Variants in TMEM266 observed in about 807,000 individuals in gnomAD.
TMEM266 encodes the protein transmembrane protein 266.
TMEM266 carries 33 observed loss-of-function variants against 50.5 expected under a neutral mutation model. The ratio of observed to expected loss-of-function variants is 0.65; its 90% CI spans 0.50 to 0.87. TMEM266 has a LOEUF of 0.87. Among genes scored for constraint, TMEM266 ranks in the 40% least tolerant of loss-of-function variants. The pLI is 0.00. For synonymous variants in TMEM266, 310 were observed against 292.3 expected (o/e 1.06, Z -0.62); for missense variants, 655 against 695.1 (o/e 0.94, Z 0.65).
intron 5 of TMEM266, among the ~76,000 whole-genome samples, chr15:76,163,002 C>CCTGGGCCTGTCCT (rs1176198348): frequency 2.6e-5 from 4 of 152,350 alleles, no homozygotes; most frequent in African/African-American, 9.6e-5. Flanking sequence ...GTCCTGGAGC[C>CCTGGGCCTGTCCT]CTGGGCCTGT....
intron 1 of TMEM266, among the ~76,000 whole-genome samples, chr15:76,126,297 G>T (rs184006332): frequency 6.7e-6 from 1 of 150,214 alleles, no homozygotes; most frequent in Non-Finnish European, 1.5e-5. Context: ...TATTCACAAT[G>T]TCCAAGATTT....
intron 1 of TMEM266, among the ~76,000 whole-genome samples, chr15:76,116,119 C>A (rs1236331657): frequency 3.3e-5 from 5 of 152,206 alleles, no homozygotes; most frequent in African/African-American, 9.6e-5. Flanking sequence ...TTACAGGCAG[C>A]CTGCACCCAC....
chr15:76,192,599 C>T (rs749947075), intron 9 of TMEM266, among the ~76,000 whole-genome samples: 9 of 152,172 alleles, frequency 5.9e-5, no homozygotes, highest in East Asian at 1.9e-4. Flanking sequence ...CCTACTGGGG[C>T]CCAAACAAGT....
intron 8 of TMEM266, among the ~76,000 whole-genome samples, chr15:76,185,982 G>A (rs1217241768): frequency 2.0e-5 from 3 of 152,314 alleles, no homozygotes; most frequent in South Asian, 2.1e-4. Context: ...GGGGTGATGG[G>A]CCAAGAGCTC....
chr15:76,144,566 T>G (rs1319120977), intron 3 of TMEM266, among the ~76,000 whole-genome samples: 7 of 152,202 alleles, frequency 4.6e-5, no homozygotes, highest in African/African-American at 1.7e-4. Flanking sequence ...GCCTGTACCA[T>G]GCTGTCAGTG....
At position 76,139,254 on chromosome 15, in the gene TMEM266, C is replaced by T. The variant is rs1020416528; in HGVS notation, c.227+1359C>T. ...ATAAACCGCCTAACAATGGTGAAAC[C>T]ACACACCTTTTTTTGCAGAAACTAC... On this transcript the variant is annotated intron_variant, in intron 3 of 10. Transcript: ENST00000388942. This position sits in a 1 kb window ranked among gnomAD's most constrained non-coding sequence, Gnocchi z 4.1. Among the ~76,000 whole-genome samples, 3 of 152,222 alleles carry T rather than the reference C, an allele frequency of 2.0e-5. No homozygotes were observed. Among genetic ancestry groups the T allele is most frequent in the Non-Finnish European group, 4.4e-5 (3 of 68,036 alleles).
At chr15:76,203,262 G>C (rs1259061659) in intron 10 of TMEM266, among the ~76,000 whole-genome samples, 1 of 152,012 alleles carries the variant, frequency 6.6e-6, no homozygotes, top group Non-Finnish European at 1.5e-5. Flanking sequence ...TCCTGAGTTA[G>C]GATGGGCTAG....
chr15:76,071,908 A>ATT (rs545904070), intron 1 of TMEM266, among the ~76,000 whole-genome samples: 3,447 of 146,180 alleles, frequency 0.024, 136 homozygotes, highest in African/African-American at 0.082. Flanking sequence ...CAGATTCGGC[A>ATT]TTTTTTTTTT....
intron 8 of TMEM266, among the ~76,000 whole-genome samples, chr15:76,188,177 A>G (rs1250961953): frequency 6.6e-6 from 1 of 152,064 alleles, no homozygotes; most frequent in African/African-American, 2.4e-5. Flanking sequence ...CGCTGCTAAT[A>G]AAGACATACC....
At chr15:76,064,158 G>A (rs564723065) in intron 1 of TMEM266, among the ~76,000 whole-genome samples, 1 of 152,338 alleles carries the variant, frequency 6.6e-6, no homozygotes, top group East Asian at 1.9e-4. Context: ...TGAGTCACTA[G>A]AAAGGAAAAG....
At chr15:76,184,035 A>G (rs993062078) in intron 8 of TMEM266, among the ~76,000 whole-genome samples, 11 of 152,056 alleles carry the variant, frequency 7.2e-5, no homozygotes, top group African/African-American at 2.7e-4. Context: ...TGCGTAGGTC[A>G]CTCGCCTTTG....
At chr15:76,095,569 A>C (rs2036910550) in intron 1 of TMEM266, among the ~76,000 whole-genome samples, 1 of 151,984 alleles carries the variant, frequency 6.6e-6, no homozygotes, top group African/African-American at 2.4e-5. Flanking sequence ...ATTGGCCTGA[A>C]ATTTTCTTTT....
intron 1 of TMEM266, among the ~76,000 whole-genome samples, chr15:76,122,724 C>G (rs2142020422): frequency 6.6e-6 from 1 of 152,282 alleles, no homozygotes; most frequent in South Asian, 2.1e-4. Context: ...TCCAGAAACT[C>G]TGCAGAATTC....
intron 1 of TMEM266, among the ~76,000 whole-genome samples, chr15:76,106,778 G>A (rs1362782894): frequency 6.6e-6 from 1 of 152,144 alleles, no homozygotes; most frequent in Non-Finnish European, 1.5e-5. Context: ...TGTATACACT[G>A]TGGAATGCTA....
At chr15:76,124,358 G>GA (rs2037388288) in intron 1 of TMEM266, among the ~76,000 whole-genome samples, 1 of 152,122 alleles carries the variant, frequency 6.6e-6, no homozygotes, top group African/African-American at 2.4e-5. Flanking sequence ...TCTGTACACT[G>GA]AAAACTAGAA....
At chr15:76,143,205 C>T (rs1268074054) in intron 3 of TMEM266, among the ~76,000 whole-genome samples, 3 of 152,222 alleles carry the variant, frequency 2.0e-5, no homozygotes, top group Non-Finnish European at 4.4e-5. Context: ...TGTCATCACA[C>T]TCCAGTCTCG....
At position 76,161,747 on chromosome 15, in the gene TMEM266, C is replaced by T. The variant is rs1403608139; in HGVS notation, c.456+1579C>T. ...CTGGAGGTGCCTCTGCCCCGCAGAG[C>T]AGAGTGCCTGCTCCCCAGCTTACAG... On this transcript the variant is annotated intron_variant, in intron 5 of 10. Coordinates refer to ENST00000388942, the MANE Select transcript of TMEM266 (RefSeq NM_152335.3). The surrounding 1 kb of genome is among the most constrained non-coding windows in gnomAD (Gnocchi z 4.1). 4.6e-5 allele frequency among the ~76,000 whole-genome samples: 7 copies of T among 152,180 alleles called. No homozygotes were observed. The highest frequency in any genetic ancestry group is 4.4e-5 in the Non-Finnish European group (3 of 68,032).
chr15:76,170,002 C>G, intron 6 of TMEM266, 130 bp downstream of exon 6: 44 of 859,506 alleles, frequency 5.1e-5, no homozygotes, highest in East Asian at 1.6e-4. Flanking sequence ...ACCTCTGTGG[C>G]TGTGCATGTT....
chr15:76,137,039 C>T (rs981531098), intron 2 of TMEM266, among the ~76,000 whole-genome samples: 5 of 152,152 alleles, frequency 3.3e-5, no homozygotes, highest in Admixed American at 6.5e-5. Context: ...AAGAGACCCA[C>T]AAGCCCTCAG....
Sources: allele counts gnomAD v4.1 joint callset (sites outside exome capture counted in the v4.1 genomes callset), GRCh38; gene constraint gnomAD v4.1.1; non-coding constraint Gnocchi (gnomAD v3.1); transcripts MANE v1.5; gene names NCBI Gene and HGNC (gene_info 2026-07-23, HGNC 2026-07-21).